CCDC85A: variants seen among roughly 807,000 people sequenced by gnomAD.
CCDC85A encodes coiled-coil domain-containing protein 85A.
A neutral mutation model predicts 50.2 loss-of-function variants in CCDC85A; 38 were observed. That is an observed-to-expected ratio of 0.76 (90% CI 0.58 to 0.99). The LOEUF (loss-of-function observed/expected upper bound fraction) is 0.99. Ranked by LOEUF, CCDC85A falls within the 50% of genes least tolerant of loss-of-function variation. The probability of loss-of-function intolerance (pLI) is 0.00; values close to 1 mark genes in which losing one functional copy is unlikely to be tolerated. For missense variants in CCDC85A, 820 were observed against 742.0 expected, an observed-to-expected ratio of 1.11 and a Z score of -1.22; for synonymous variants, 366 against 301.4, an observed-to-expected ratio of 1.21 and a Z score of -2.22.
intron 2 of CCDC85A, among the ~76,000 whole-genome samples, chr2:56,234,539 C>A (rs1668918730): frequency 6.6e-6 from 1 of 152,142 alleles, no homozygotes; most frequent in African/African-American, 2.4e-5. Flanking sequence ...TTCATTGTCT[C>A]TTGTATTTCA....
chr2:56,276,193 A>G (rs911449539), intron 2 of CCDC85A, among the ~76,000 whole-genome samples: 15 of 152,312 alleles, frequency 9.8e-5, no homozygotes, highest in Non-Finnish European at 1.2e-4. Context: ...GAGTATAGAT[A>G]TAAAATTATT....
rs751768577 is a variant in CCDC85A at position 56,184,879 on chromosome 2, C to T, written c.255C>T (p.Leu85=). 6.6e-6 allele frequency: 10 copies of T among 1,524,684 alleles called. No individual in the cohort carries two copies. Among genetic ancestry groups the T allele is most frequent in the South Asian group, 2.4e-5 (2 of 81,830 alleles). 94.4% of individuals were successfully genotyped at this position (1,524,684 alleles called of 1,614,324 possible). A position where few individuals can be genotyped will look rare whatever the true frequency, so the allele number is the denominator to read the frequency against. ...REVNRRLQLH[L]GEIRGLKDIN... Reference sequence around the variant, plus strand: ...TGAACCGCCGCCTGCAGCTGCACCTCGGCGAGATCCGCGGCCTCAAGGTGA... The same window carrying T: ...TGAACCGCCGCCTGCAGCTGCACCTTGGCGAGATCCGCGGCCTCAAGGTGA... Residue 85 remains leucine, a synonymous_variant, in exon 1 of 6, where the codon CTC becomes CTT. Coordinates refer to ENST00000407595, the MANE Select transcript of CCDC85A (RefSeq NM_001080433.2).
At chr2:56,271,403 G>A (rs375229167) in intron 2 of CCDC85A, among the ~76,000 whole-genome samples, 3 of 152,146 alleles carry the variant, frequency 2.0e-5, no homozygotes, top group African/African-American at 7.2e-5. Flanking sequence ...TCAGAGTCCA[G>A]GAAGCAGGAG....
At chr2:56,210,313 C>T (rs1677131643) in intron 2 of CCDC85A, among the ~76,000 whole-genome samples, 1 of 152,044 alleles carries the variant, frequency 6.6e-6, no homozygotes. Flanking sequence ...TCTGTTTTCT[C>T]TTGGTAAACT....
intron 2 of CCDC85A, among the ~76,000 whole-genome samples, chr2:56,273,453 C>T (rs957671144): frequency 1.3e-5 from 2 of 151,898 alleles, no homozygotes; most frequent in African/African-American, 4.8e-5. Flanking sequence ...ATAATAATAA[C>T]ACTGGATTAT....
At chr2:56,185,965 A>G (rs985825747) in intron 1 of CCDC85A, among the ~76,000 whole-genome samples, 1 of 151,618 alleles carries the variant, frequency 6.6e-6, no homozygotes, top group African/African-American at 2.4e-5. Context: ...TCCCCTTTCC[A>G]CTCCTATCCC....
intron 2 of CCDC85A, among the ~76,000 whole-genome samples, chr2:56,300,170 A>G (rs1490038691): frequency 6.6e-6 from 1 of 151,232 alleles, no homozygotes; most frequent in Non-Finnish European, 1.5e-5. Context: ...AATGCACCTT[A>G]GACACTGGGG....
intron 2 of CCDC85A, among the ~76,000 whole-genome samples, chr2:56,203,921 G>A (rs1676849737): frequency 1.3e-5 from 2 of 152,118 alleles, no homozygotes; most frequent in Admixed American, 1.3e-4. Flanking sequence ...ACTTCCTAAA[G>A]GGCTGGATAA....
At chr2:56,208,767 T>C (rs917894607) in intron 2 of CCDC85A, among the ~76,000 whole-genome samples, 3 of 152,116 alleles carry the variant, frequency 2.0e-5, no homozygotes, top group Non-Finnish European at 4.4e-5. Context: ...AGGAACATTA[T>C]TAGAAGAGCT....
intron 2 of CCDC85A, among the ~76,000 whole-genome samples, chr2:56,208,541 C>T (rs987950283): frequency 1.1e-4 from 17 of 152,074 alleles, no homozygotes; most frequent in African/African-American, 4.1e-4. Context: ...CAAGAAGTGC[C>T]TGGTTTGGTG....
At chr2:56,251,205 A>G (rs17190170) in intron 2 of CCDC85A, among the ~76,000 whole-genome samples, 3,031 of 152,310 alleles carry the variant, frequency 0.02, 52 homozygotes, top group South Asian at 0.046. Flanking sequence ...TTCTTAAGGC[A>G]GCCCTGTGTT....
At chr2:56,203,980 T>A (rs1316030474) in intron 2 of CCDC85A, among the ~76,000 whole-genome samples, 1 of 152,216 alleles carries the variant, frequency 6.6e-6, no homozygotes, top group Non-Finnish European at 1.5e-5. Context: ...TTTGCCACTT[T>A]CTTGCTGTGT....
intron 2 of CCDC85A, among the ~76,000 whole-genome samples, chr2:56,326,131 A>G (rs1673459705): frequency 6.6e-6 from 1 of 152,054 alleles, no homozygotes. Context: ...AGCAGTGAGG[A>G]CTATTTATAA....
chr2:56,364,554 C>T lies in CCDC85A; in HGVS notation c.1318-7790C>T, dbSNP rs376972205. ...AGGAGAAAACCTTTTGGAGGGTATTCGTGACAAAGAATGCTTGAGGGCTTT... is the reference window on the plus strand; with the variant it reads ...AGGAGAAAACCTTTTGGAGGGTATTTGTGACAAAGAATGCTTGAGGGCTTT... On this transcript the variant is annotated intron_variant, in intron 3 of 5. Coordinates refer to ENST00000407595, the MANE Select transcript of CCDC85A (RefSeq NM_001080433.2). Among the ~76,000 whole-genome samples the T allele has an allele frequency of 8.5e-5, 13 of 152,112 alleles. No homozygotes were observed. The East Asian group carries it at 9.7e-4, about 11-fold the overall frequency.
chr2:56,301,293 CAT>C (rs1353179285), intron 2 of CCDC85A, among the ~76,000 whole-genome samples: 1 of 152,116 alleles, frequency 6.6e-6, no homozygotes, highest in Non-Finnish European at 1.5e-5. Context: ...TGCCCTTTAA[CAT>C]GTGAGTGTTC....
chr2:56,280,776 C>T (rs950793193), intron 2 of CCDC85A, among the ~76,000 whole-genome samples: 3 of 151,990 alleles, frequency 2.0e-5, no homozygotes, highest in African/African-American at 4.8e-5. Context: ...CTGGCCCATT[C>T]TCTCTCTCTC....
chr2:56,307,505 C>T (rs1313270106), intron 2 of CCDC85A, among the ~76,000 whole-genome samples: 2 of 151,896 alleles, frequency 1.3e-5, no homozygotes, highest in African/African-American at 4.8e-5. Flanking sequence ...TTCTTTTTTG[C>T]ATATTGAGTG....
intron 2 of CCDC85A, among the ~76,000 whole-genome samples, chr2:56,332,802 C>T (rs1054292593): frequency 2.0e-5 from 3 of 151,900 alleles, no homozygotes; most frequent in Non-Finnish European, 2.9e-5. Flanking sequence ...GAGAACCTGT[C>T]CAAAGTTTCC....
chr2:56,361,907 T>G (rs1242323273), intron 3 of CCDC85A, among the ~76,000 whole-genome samples: 1 of 152,082 alleles, frequency 6.6e-6, no homozygotes, highest in Non-Finnish European at 1.5e-5. Flanking sequence ...GAGGGGACAT[T>G]GGTACACTCA....
Sources: gnomAD v4.1 joint callset for allele counts (sites outside exome capture counted in the v4.1 genomes callset) on GRCh38, gnomAD v4.1.1 for gene constraint, MANE v1.5 for transcripts, NCBI Gene and HGNC (gene_info 2026-07-23, HGNC 2026-07-21) for gene names.